Variants in CIMAP3 observed in about 807,000 individuals in gnomAD.
The protein encoded by CIMAP3 is ciliary microtubule-associated protein 3.
the CIMAP3 span, chr1:111,346,461 T>G: frequency 1.4e-6 from 1 of 718,294 alleles, no homozygotes; most frequent in East Asian, 2.9e-5. Context: ...GCTACTGAGT[T>G]TACAATCCCC....
At chr1:111,352,076 A>G in the CIMAP3 span, 1 of 152,006 alleles carries the variant, frequency 6.6e-6, no homozygotes, top group East Asian at 2.0e-4. Flanking sequence ...CTAGAACCTT[A>G]CAAGTCATTC....
At chr1:111,325,309 A>C in the CIMAP3 span, among the ~76,000 whole-genome samples, 2 of 152,234 alleles carry the variant, frequency 1.3e-5, no homozygotes, top group African/African-American at 4.8e-5. Flanking sequence ...TAGGAAGTTT[A>C]AGTAACTTCC....
the CIMAP3 span, among the ~76,000 whole-genome samples, chr1:111,335,652 C>T: frequency 6.6e-6 from 1 of 152,238 alleles, no homozygotes; most frequent in South Asian, 2.1e-4. Flanking sequence ...GGGGGAGGGG[C>T]ACCCGCCATT....
chr1:111,344,854 A>C, the CIMAP3 span, among the ~76,000 whole-genome samples: 1 of 152,238 alleles, frequency 6.6e-6, no homozygotes, highest in African/African-American at 2.4e-5. Context: ...CTGTATATAC[A>C]ATGGTGGCTC....
chr1:111,324,816 T>C, the CIMAP3 span: 2 of 985,366 alleles, frequency 2.0e-6, no homozygotes, highest in Non-Finnish European at 2.4e-6. Context: ...TGCTATCTTC[T>C]CTACCTGGGA....
At chr1:111,346,279 C>A in the CIMAP3 span, 1 of 192,472 alleles carries the variant, frequency 5.2e-6, no homozygotes, top group Non-Finnish European at 1.1e-5. Context: ...GGCTGTCTTT[C>A]TACTTTCACC....
chr1:111,329,516 C>CATACATAT, the CIMAP3 span, among the ~76,000 whole-genome samples: 1 of 106,286 alleles, frequency 9.4e-6, no homozygotes, highest in African/African-American at 3.4e-5. Context: ...CACATAAACC[C>CATACATAT]ATATATATAT....
At chr1:111,348,149 C>A in the CIMAP3 span, among the ~76,000 whole-genome samples, 3 of 152,162 alleles carry the variant, frequency 2.0e-5, no homozygotes, top group Non-Finnish European at 2.9e-5. Context: ...GTCTAAAGTT[C>A]AGTAGGGGAT....
At chr1:111,348,381 T>C in the CIMAP3 span, 1 of 927,050 alleles carries the variant, frequency 1.1e-6, no homozygotes, top group Non-Finnish European at 1.6e-6. Flanking sequence ...GACTTATTTC[T>C]GTAGCTTGAG....
chr1:111,329,085 A>C, the CIMAP3 span, among the ~76,000 whole-genome samples: 1 of 152,144 alleles, frequency 6.6e-6, no homozygotes, highest in Admixed American at 6.5e-5. Flanking sequence ...AAAGGATCTT[A>C]TTTCTCCTTC....
the CIMAP3 span, among the ~76,000 whole-genome samples, chr1:111,333,488 A>G: frequency 6.6e-6 from 1 of 152,186 alleles, no homozygotes; most frequent in African/African-American, 2.4e-5. Context: ...CAATGCAGGT[A>G]TGTGATTTCC....
At chr1:111,335,533 G>A in the CIMAP3 span, among the ~76,000 whole-genome samples, 65 of 152,316 alleles carry the variant, frequency 4.3e-4, no homozygotes, top group African/African-American at 1.5e-3. Context: ...AAAAAACAGC[G>A]CACCAGGAGA....
chr1:111,337,843 G>A, the CIMAP3 span, among the ~76,000 whole-genome samples: 1 of 151,980 alleles, frequency 6.6e-6, no homozygotes, highest in African/African-American at 2.4e-5. Flanking sequence ...GCACCAAGCT[G>A]ACCTAATAGA....
chr1:111,342,947 G>T, the CIMAP3 span, among the ~76,000 whole-genome samples: 1 of 152,126 alleles, frequency 6.6e-6, no homozygotes, highest in Non-Finnish European at 1.5e-5. Context: ...TATTGTTGGT[G>T]ATAATCCCAG....
At chr1:111,346,722 G>T in the CIMAP3 span, 1 of 1,596,478 alleles carries the variant, frequency 6.3e-7, no homozygotes, top group South Asian at 1.1e-5. Context: ...AGGGGGAAGG[G>T]TGGGGAAGCT....
the CIMAP3 span, among the ~76,000 whole-genome samples, chr1:111,329,920 G>C: frequency 6.6e-6 from 1 of 151,952 alleles, no homozygotes; most frequent in Non-Finnish European, 1.5e-5. Flanking sequence ...TTGTCTGACT[G>C]TCTTATTTCA....
chr1:111,337,632 A>C, the CIMAP3 span, among the ~76,000 whole-genome samples: 1 of 152,248 alleles, frequency 6.6e-6, no homozygotes, highest in East Asian at 1.9e-4. Flanking sequence ...GATCAATTCA[A>C]CAAGAAGAGC....
At chr1:111,343,995 C>A in the CIMAP3 span, among the ~76,000 whole-genome samples, 1 of 152,130 alleles carries the variant, frequency 6.6e-6, no homozygotes, top group Admixed American at 6.5e-5. Flanking sequence ...AAATCTCAAA[C>A]CAAGTATGGT....
chr1:111,348,210 G>C, the CIMAP3 span: 1 of 254,494 alleles, frequency 3.9e-6, no homozygotes, highest in Non-Finnish European at 7.5e-6. Context: ...TTAGGGAGCA[G>C]AGATACTATC....
Sources: gnomAD v4.1 joint callset for allele counts (sites outside exome capture counted in the v4.1 genomes callset) on GRCh38, gnomAD v4.1.1 for gene constraint, MANE v1.5 for transcripts, NCBI Gene and HGNC (gene_info 2026-07-23, HGNC 2026-07-21) for gene names.